CRACD: variants seen among roughly 807,000 people sequenced by gnomAD.
The protein encoded by CRACD is capping protein-inhibiting regulator of actin dynamics.
Under a neutral mutation model 106.8 loss-of-function variants are expected in CRACD, and 56 were observed. The ratio of observed to expected loss-of-function variants is 0.52; its 90% confidence interval spans 0.42 to 0.66. The LOEUF (loss-of-function observed/expected upper bound fraction) is 0.66. CRACD is among the 30% of genes least tolerant of loss of function. CRACD has a pLI of 0.00. For missense variants in CRACD, 1,730 were observed against 1,623.2 expected (o/e 1.07, Z -1.13); for synonymous variants, 754 against 670.8 (o/e 1.12, Z -1.92).
At chr4:56,109,981 G>A (rs1734066095) in intron 1 of CRACD, among the ~76,000 whole-genome samples, 1 of 152,040 alleles carries the variant, frequency 6.6e-6, no homozygotes, top group Non-Finnish European at 1.5e-5. Context: ...TATTGAAAAG[G>A]TCCATTGAAC....
rs904689905 is a variant in CRACD, at chr4:56,283,749, T to C, written c.-17+11257T>C. Among the ~76,000 whole-genome samples the C allele has an allele frequency of 5.9e-5, 9 of 152,212 alleles. No homozygotes were observed. The South Asian group carries it at 6.2e-4, about 10-fold the overall frequency. On this transcript the variant is annotated intron_variant, in intron 3 of 10. Coordinates refer to ENST00000682029, the MANE Select transcript of CRACD (RefSeq NM_001393381.1). ...CAAGCCTGCAGTCTGGTTTCTTTTG[T>C]TCTGTGAGCCTCAACTGTACTTCTA...
At chr4:56,146,534 G>A (rs1224158919) in intron 1 of CRACD, among the ~76,000 whole-genome samples, 4 of 149,874 alleles carry the variant, frequency 2.7e-5, no homozygotes, top group Admixed American at 6.7e-5. Flanking sequence ...TCGTCATTTA[G>A]CATTAGGTAT....
In CRACD at chr4:56,151,155, C is replaced by T. The variant is rs554914445; in HGVS notation, c.-335-28129C>T. Among the ~76,000 whole-genome samples, 38 of 152,260 alleles carry T rather than the reference C, an allele frequency of 2.5e-4. 1 individual carries two copies. The highest frequency in any genetic ancestry group is 8.9e-4 in the African/African-American group (37 of 41,566). On this transcript the variant is annotated intron_variant, in intron 1 of 10. Transcript: ENST00000682029. The stretch of plus-strand genomic sequence containing the variant: ...GGGACAAAAGGCGCATGCCACCAAG[C>T]CCAGCTAATTTTTGTAATTTTTGTA...
intron 3 of CRACD, among the ~76,000 whole-genome samples, chr4:56,273,825 C>G (rs146247795): frequency 7.2e-5 from 11 of 152,320 alleles, no homozygotes; most frequent in Non-Finnish European, 1.2e-4. Context: ...GAATGCCTGA[C>G]ACTGCATAAG....
intron 8 of CRACD, among the ~76,000 whole-genome samples, chr4:56,316,980 C>T (rs916629359): frequency 3.9e-5 from 6 of 152,116 alleles, no homozygotes; most frequent in African/African-American, 1.4e-4. Context: ...TAAATGATTA[C>T]ATTTGTGGAC....
intron 3 of CRACD, among the ~76,000 whole-genome samples, chr4:56,272,877 T>G (rs1464436527): frequency 7.2e-6 from 1 of 139,228 alleles, no homozygotes; most frequent in Non-Finnish European, 1.5e-5. Context: ...CCAGCCTGGG[T>G]GACAGAGTGA....
rs567419828 is a variant in CRACD at position 56,328,530 on chromosome 4, TGTA to T, written c.*729_*731del. Reference sequence around the variant, plus strand: ...GCTCCCAGGGAACATTTTAATTTAATGTAGTGAAGAAAGACAATTCTAGATCAG... The same window carrying T: ...GCTCCCAGGGAACATTTTAATTTAATGTGAAGAAAGACAATTCTAGATCAG... On this transcript the variant is annotated 3_prime_UTR_variant, in exon 11 of 11. Coordinates refer to ENST00000682029, the MANE Select transcript of CRACD (RefSeq NM_001393381.1). The T allele has an allele frequency of 4.6e-3, 1,932 of 422,462 alleles. 6 individuals carry two copies. Among genetic ancestry groups the T allele is most frequent in the Middle Eastern group, 0.01 (26 of 2,510 alleles). 26.2% of individuals were successfully genotyped at this position (422,462 alleles called of 1,614,324 possible).
At chr4:56,149,974 T>A (rs1342262409) in intron 1 of CRACD, among the ~76,000 whole-genome samples, 2 of 152,216 alleles carry the variant, frequency 1.3e-5, no homozygotes, top group Non-Finnish European at 2.9e-5. Context: ...TAACATTTGT[T>A]ATAGAAATGA....
intron 3 of CRACD, chr4:56,288,400 C>A: frequency 8.9e-6 from 2 of 225,626 alleles, no homozygotes; most frequent in East Asian, 1.1e-4. Context: ...CGCTCCCTCC[C>A]TCTCTCCTAT....
chr4:56,157,249 C>G (rs1398405851), intron 1 of CRACD, among the ~76,000 whole-genome samples: 1 of 152,186 alleles, frequency 6.6e-6, no homozygotes, highest in Non-Finnish European at 1.5e-5. Context: ...GAGAGGATCA[C>G]TTGAGGCCAG....
At chr4:56,082,923 G>A (rs1159071192) in intron 1 of CRACD, among the ~76,000 whole-genome samples, 1 of 151,988 alleles carries the variant, frequency 6.6e-6, no homozygotes, top group Non-Finnish European at 1.5e-5. Flanking sequence ...GGGAATTGAA[G>A]GAGTAGAAAA....
At chr4:56,316,829 C>G in intron 8 of CRACD, 140 bp downstream of exon 8, 1 of 1,065,954 alleles carries the variant, frequency 9.4e-7, no homozygotes, top group East Asian at 2.6e-5. Flanking sequence ...TAGAACGCTG[C>G]AGAACAAAAC....
At chr4:56,295,690 T>G (rs913397519) in intron 3 of CRACD, among the ~76,000 whole-genome samples, 10 of 93,294 alleles carry the variant, frequency 1.1e-4, no homozygotes, top group African/African-American at 4.2e-4. Flanking sequence ...TATATATATA[T>G]ATATATATAT....
chr4:56,070,891 C>T (rs867472502), intron 1 of CRACD, among the ~76,000 whole-genome samples: 1 of 12,654 alleles, frequency 7.9e-5, no homozygotes, highest in Non-Finnish European at 2.1e-4. Flanking sequence ...GTGTGTGTGT[C>T]CACAGGCAGG....
chr4:56,315,652 C>T lies in CRACD; in HGVS notation c.2150C>T (p.Ala717Val). The stretch of plus-strand genomic sequence containing the variant: ...CAACGGAAGACTCCGCCAGTCAATG[C>T]AAAGTTCTCTATTATGCCTGCCTGG... ...GNQRKTPPVNAKFSIMPAWQK... is the reference protein window; with the variant it reads ...GNQRKTPPVNVKFSIMPAWQK... The change falls in exon 8 of 11, where the codon GCA becomes GTA. Residue 717 changes from alanine (A) to valine (V), a missense_variant. Coordinates refer to ENST00000682029, the MANE Select transcript of CRACD (RefSeq NM_001393381.1). The surrounding 1 kb of genome is among the most constrained non-coding windows in gnomAD (Gnocchi z 4.1). The T allele has an allele frequency of 1.2e-6, 2 of 1,614,214 alleles. No homozygotes were observed. The highest frequency in any genetic ancestry group is 1.7e-6 in the Non-Finnish European group (2 of 1,180,042).
chr4:56,071,493 A>ATTTC (rs71192065), intron 1 of CRACD, among the ~76,000 whole-genome samples: 12 of 114,016 alleles, frequency 1.1e-4, no homozygotes, highest in African/African-American at 5.5e-4. Flanking sequence ...CACAGGTTGT[A>ATTTC]TTTCTTTCTT....
rs1375691986 is a variant in CRACD, at chr4:56,323,549, A to G, written c.3360A>G (p.Glu1120=). The G allele has an allele frequency of 1.3e-6, 2 of 1,577,716 alleles. No individual in the cohort carries two copies. The highest frequency in any genetic ancestry group is 1.2e-5 in the South Asian group (1 of 84,776). ...AAGCCAGAGAGGCCAAACAGGCAGA[A>G]AAGCTCTCCAAAGAAAATGTGAGTA... ...RKQAREAKQA[E]KLSKENVSVS... The change falls in exon 9 of 11, where the codon GAA becomes GAG. Residue 1120 remains glutamate, a synonymous_variant. Coordinates refer to ENST00000682029, the MANE Select transcript of CRACD (RefSeq NM_001393381.1).
intron 2 of CRACD, among the ~76,000 whole-genome samples, chr4:56,243,276 C>G (rs752068162): frequency 5.3e-5 from 8 of 152,174 alleles, no homozygotes; most frequent in Non-Finnish European, 8.8e-5. Context: ...GTGAGGGAGC[C>G]TCAAACATAG....
chr4:56,282,863 A>G (rs1051054226), intron 3 of CRACD, among the ~76,000 whole-genome samples: 5 of 152,210 alleles, frequency 3.3e-5, no homozygotes, highest in Non-Finnish European at 7.3e-5. Context: ...TTCCTTTCGC[A>G]TAGATGCTAT....
Sources: gnomAD v4.1 joint callset for allele counts (sites outside exome capture counted in the v4.1 genomes callset) on GRCh38, gnomAD v4.1.1 for gene constraint, Gnocchi (gnomAD v3.1) non-coding constraint, MANE v1.5 for transcripts, NCBI Gene and HGNC (gene_info 2026-07-23, HGNC 2026-07-21) for gene names.